The following PCYT1B variants were observed in gnomAD, a reference collection of about 807,000 sequenced individuals.
PCYT1B encodes phosphate cytidylyltransferase 1B, choline.
In PCYT1B, 10 loss-of-function variants were observed where a neutral mutation model predicts 26.4. The observed-to-expected ratio is 0.38, with a 90% CI of 0.23 to 0.64. The LOEUF is 0.64. Ranked by LOEUF, PCYT1B falls within the 30% of genes least tolerant of loss-of-function variation. The pLI, the probability that PCYT1B is intolerant of heterozygous loss-of-function variation, is 0.56. For missense variants in PCYT1B, 161 were observed against 292.7 expected (o/e 0.55, Z 3.28); for synonymous variants, 131 against 108.4 (o/e 1.21, Z -1.29).
At chrX:24,610,383 A>G (rs16983188) in intron 2 of PCYT1B, among the ~76,000 whole-genome samples, 12,475 of 111,490 alleles carry the variant, frequency 0.11, 1,703 homozygotes, top group African/African-American at 0.39. Flanking sequence ...ATTTGAACAA[A>G]CAGAATTGCC....
intron 1 of PCYT1B, among the ~76,000 whole-genome samples, chrX:24,631,923 A>G: frequency 1.2e-5 from 1 of 84,713 alleles, no homozygotes; most frequent in Non-Finnish European, 2.5e-5. Flanking sequence ...ACAGAGCAAG[A>G]CTGTCTCAAA....
intron 1 of PCYT1B, among the ~76,000 whole-genome samples, chrX:24,656,830 C>G (rs1201763866): frequency 1.8e-5 from 2 of 110,856 alleles, no homozygotes; most frequent in Admixed American, 9.7e-5. Context: ...CTGCGCCAGG[C>G]CCAGCTCCAA....
At chrX:24,653,000 G>A (rs1926816882) in intron 1 of PCYT1B, among the ~76,000 whole-genome samples, 1 of 111,108 alleles carries the variant, frequency 9.0e-6, no homozygotes, top group Non-Finnish European at 1.9e-5. Flanking sequence ...CAGTAGAATC[G>A]CTTGAACCCA....
At position 24,670,252 on chromosome X, in the gene PCYT1B, A is replaced by G. The variant is rs189371510; in HGVS notation, c.63+2318T>C. Among the ~76,000 whole-genome samples, 102 of 112,077 alleles carry G rather than the reference A, an allele frequency of 9.1e-4. No homozygotes were observed. The East Asian group carries it at 0.025, about 28-fold the overall frequency. On this transcript the variant is annotated intron_variant, in intron 1 of 7. Transcript: ENST00000379145. ...CTTATTTCCAAATAAGTACCAACCA[A>G]GTACCAAAATTAAACATGTGGAAAA...
chrX:24,672,727 A>T, upstream of PCYT1B: 3 of 648,465 alleles, frequency 4.6e-6, no homozygotes, highest in Non-Finnish European at 7.4e-6. Flanking sequence ...ACTTGACCAA[A>T]GGTCAAGCAG....
chrX:24,586,903 C>T lies in PCYT1B; in HGVS notation c.565+338G>A, dbSNP rs188751389. On this transcript the variant is annotated intron_variant, in intron 5 of 7. Transcript: ENST00000379144. ...AAATTTCTTGGGAGTATCCAATAAT[C>T]TCATTGTGAAGACTTAATTATGAAT... Among the ~76,000 whole-genome samples the T allele has an allele frequency of 3.7e-3, 419 of 111,921 alleles. 1 individual carries two copies. Among genetic ancestry groups the T allele is most frequent in the African/African-American group, 0.013 (396 of 30,821 alleles).
chrX:24,615,755 G>A (rs944782251), intron 2 of PCYT1B, among the ~76,000 whole-genome samples: 4 of 111,743 alleles, frequency 3.6e-5, no homozygotes, highest in East Asian at 2.8e-4. Context: ...TTTATTGACC[G>A]CAGCGTATGC....
chrX:24,647,678 G>A (rs1046307294), upstream of PCYT1B, among the ~76,000 whole-genome samples: 3 of 112,484 alleles, frequency 2.7e-5, no homozygotes, highest in African/African-American at 9.7e-5. Context: ...GCTGTAGTCA[G>A]GATATTTGCC....
At chrX:24,600,034 A>G (rs997952886) in intron 3 of PCYT1B, among the ~76,000 whole-genome samples, 5 of 110,375 alleles carry the variant, frequency 4.5e-5, no homozygotes, top group Non-Finnish European at 7.6e-5. Context: ...CAGCCTCCCT[A>G]GTAGCTGGGA....
chrX:24,649,598 G>T (rs1052155009), upstream of PCYT1B, among the ~76,000 whole-genome samples: 1 of 111,854 alleles, frequency 8.9e-6, no homozygotes, highest in Admixed American at 9.5e-5. Flanking sequence ...AGAATGAGAG[G>T]TTCACCTGTT....
intron 1 of PCYT1B, among the ~76,000 whole-genome samples, chrX:24,663,913 C>T (rs900798111): frequency 3.7e-5 from 4 of 108,662 alleles, no homozygotes; most frequent in Admixed American, 9.7e-5. Flanking sequence ...AGCGAGATTC[C>T]GTCTCAAAAA....
chrX:24,661,994 T>C (rs1041128706), intron 1 of PCYT1B, among the ~76,000 whole-genome samples: 3 of 111,010 alleles, frequency 2.7e-5, no homozygotes, highest in African/African-American at 6.6e-5. Context: ...TGAGACTTCA[T>C]CTCCACTAAA....
chrX:24,602,328 G>A (rs906558399), intron 3 of PCYT1B, among the ~76,000 whole-genome samples: 3 of 112,134 alleles, frequency 2.7e-5, no homozygotes, highest in Admixed American at 9.5e-5. Flanking sequence ...GTTGTCAGGG[G>A]TTACAGGGAG....
At chrX:24,656,129 C>CAAAAAAAA (rs34397973) in intron 1 of PCYT1B, among the ~76,000 whole-genome samples, 1 of 5,931 alleles carries the variant, frequency 1.7e-4, no homozygotes, top group Non-Finnish European at 2.5e-4. Flanking sequence ...AACTCCATCT[C>CAAAAAAAA]AAAAAAAAAA....
At chrX:24,611,034 A>G (rs1925292650) in intron 2 of PCYT1B, among the ~76,000 whole-genome samples, 1 of 111,978 alleles carries the variant, frequency 8.9e-6, no homozygotes, top group African/African-American at 3.2e-5. Flanking sequence ...TTGTTTTTTC[A>G]GGTAAGATCA....
At chrX:24,573,204 C>A (rs1172243217) in intron 7 of PCYT1B, among the ~76,000 whole-genome samples, 1 of 109,399 alleles carries the variant, frequency 9.1e-6, no homozygotes, top group East Asian at 2.9e-4. Context: ...CTCTCTGTCA[C>A]CCAGGCTGGA....
chrX:24,575,398 C>A, intron 6 of PCYT1B, 80 bp from the exon 7 acceptor site: 2 of 734,125 alleles, frequency 2.7e-6, no homozygotes, highest in South Asian at 6.4e-5. Flanking sequence ...CATTAAAGTT[C>A]ATATTTTATT....
intron 2 of PCYT1B, among the ~76,000 whole-genome samples, chrX:24,613,577 C>G (rs1474348888): frequency 1.8e-5 from 2 of 111,382 alleles, no homozygotes; most frequent in Admixed American, 9.7e-5. Flanking sequence ...CAGGGAAATT[C>G]TACACACTGT....
At chrX:24,577,559 T>C (rs993410150) in intron 6 of PCYT1B, among the ~76,000 whole-genome samples, 1 of 111,889 alleles carries the variant, frequency 8.9e-6, no homozygotes, top group Non-Finnish European at 1.9e-5. Flanking sequence ...CGACATTTCC[T>C]GACATTTTGT....
Sources: allele counts gnomAD v4.1 joint callset (sites outside exome capture counted in the v4.1 genomes callset), GRCh38; gene constraint gnomAD v4.1.1; transcripts MANE v1.5; gene names NCBI Gene and HGNC (gene_info 2026-07-23, HGNC 2026-07-21).